RNF24: variants seen among roughly 807,000 people sequenced by gnomAD.
RNF24 encodes the protein ring finger protein 24.
RNF24 carries 14 observed loss-of-function variants against 20.0 expected under a neutral mutation model. The observed-to-expected ratio is 0.70, with a 90% CI of 0.46 to 1.10. The LOEUF (loss-of-function observed/expected upper bound fraction) is 1.10, where lower values mean the gene tolerates loss of function less well. Among genes scored for constraint, RNF24 ranks in the 50% least tolerant of loss-of-function variants. The pLI, the probability that RNF24 is intolerant of heterozygous loss-of-function variation, is 0.00. For missense variants in RNF24, 124 were observed against 177.6 expected, an observed-to-expected ratio of 0.70 and a Z score of 1.71; for synonymous variants, 45 against 61.1, an observed-to-expected ratio of 0.74 and a Z score of 1.23.
chr20:3,954,004 C>CCT (rs2091113243), intron 2 of RNF24, among the ~76,000 whole-genome samples: 1 of 152,124 alleles, frequency 6.6e-6, no homozygotes, highest in African/African-American at 2.4e-5. Flanking sequence ...TGATCCCCTG[C>CCT]CTCAGACTCC....
chr20:3,932,701 TGACGAG>T lies in RNF24; in HGVS notation c.*1356_*1361del, dbSNP rs2090839044. The T allele has an allele frequency of 2.6e-6, 1 of 388,174 alleles. No homozygotes were observed. Among genetic ancestry groups the T allele is most frequent in the South Asian group, 1.4e-4 (1 of 6,920 alleles). 24.0% of individuals were successfully genotyped at this position (388,174 alleles called of 1,614,324 possible). A position where few individuals can be genotyped will look rare whatever the true frequency, so the allele number is the denominator to read the frequency against. ...GTGGGATGGAGTGGAGCAAAGCAGT[TGACGAG>T]GAATTGAGGCAGGCGCTCCTAAGAT... On this transcript the variant is annotated 3_prime_UTR_variant, in exon 6 of 6. Coordinates refer to ENST00000358395, the MANE Select transcript of RNF24 (RefSeq NM_001134337.3).
chr20:3,996,435 C>T (rs151022021), intron 1 of RNF24, among the ~76,000 whole-genome samples: 23 of 152,208 alleles, frequency 1.5e-4, no homozygotes, highest in African/African-American at 5.1e-4. Context: ...GAATCAGTAT[C>T]GGCTACGAGA....
chr20:3,986,885 G>C (rs1295738026), intron 1 of RNF24, among the ~76,000 whole-genome samples: 1 of 151,950 alleles, frequency 6.6e-6, no homozygotes, highest in Non-Finnish European at 1.5e-5. Context: ...TCCTGATCTC[G>C]TGATCCGCCC....
rs530990793 is a variant in RNF24, at chr20:3,967,738, G to C, written c.-7-3714C>G. Among the ~76,000 whole-genome samples the C allele has an allele frequency of 2.0e-5, 3 of 152,290 alleles. No homozygotes were observed. The South Asian group carries it at 6.2e-4, about 32-fold the overall frequency. On this transcript the variant is annotated intron_variant, in intron 1 of 5. Coordinates refer to ENST00000358395, the MANE Select transcript of RNF24 (RefSeq NM_001134337.3). ...GTGCCGGGTGCAGTGGCTCATGCCT[G>C]TAATCCCAGCACTTTGGGAGGCTGA...
chr20:4,001,300 G>C (rs1014606359), intron 1 of RNF24, among the ~76,000 whole-genome samples: 2 of 152,028 alleles, frequency 1.3e-5, no homozygotes, highest in African/African-American at 4.8e-5. Context: ...ACCTCATGAA[G>C]AGCCAGTTTT....
chr20:3,936,273 G>A (rs2090889960), intron 4 of RNF24, among the ~76,000 whole-genome samples: 1 of 152,174 alleles, frequency 6.6e-6, no homozygotes, highest in Non-Finnish European at 1.5e-5. Context: ...GCAGGGAGGA[G>A]AGCAGGACAG....
intron 1 of RNF24, among the ~76,000 whole-genome samples, chr20:3,977,257 C>A (rs1371125846): frequency 6.6e-6 from 1 of 151,988 alleles, no homozygotes; most frequent in Non-Finnish European, 1.5e-5. Flanking sequence ...GAAGATGGAA[C>A]GGGGAGAAGA....
chr20:3,983,670 G>A (rs1044626332), intron 1 of RNF24, among the ~76,000 whole-genome samples: 3 of 151,966 alleles, frequency 2.0e-5, no homozygotes, highest in South Asian at 2.1e-4. Context: ...GCCAGGCGTC[G>A]TGGCTCACAC....
intron 1 of RNF24, among the ~76,000 whole-genome samples, chr20:4,011,432 G>A (rs903068040): frequency 1.3e-5 from 2 of 152,126 alleles, no homozygotes; most frequent in African/African-American, 4.8e-5. Context: ...GAAGGCAAAG[G>A]GAATTCCCAA....
chr20:4,013,381 G>T (rs531303142), intron 1 of RNF24, among the ~76,000 whole-genome samples: 1 of 152,242 alleles, frequency 6.6e-6, no homozygotes, highest in Non-Finnish European at 1.5e-5. Flanking sequence ...ATATTACAGA[G>T]AATCTTAAAG....
rs1378776731 is a variant in RNF24, at chr20:3,933,953, G to T, written c.*110C>A. The T allele has an allele frequency of 1.8e-6, 2 of 1,127,810 alleles. No individual in the cohort carries two copies. Among genetic ancestry groups the T allele is most frequent in the Non-Finnish European group, 2.3e-6 (2 of 851,868 alleles). The allele number at this position is 1,127,810 out of a possible 1,614,324, so 69.9% of individuals were successfully genotyped here. On this transcript the variant is annotated 3_prime_UTR_variant, in exon 6 of 6. Coordinates refer to ENST00000358395, the MANE Select transcript of RNF24 (RefSeq NM_001134337.3). ...CCCAAGAGTTCTTCATGAGGCAAAAGAAGTGGCAGCTGGTGTCCTAGGTAG... is the reference window on the plus strand; with the variant it reads ...CCCAAGAGTTCTTCATGAGGCAAAATAAGTGGCAGCTGGTGTCCTAGGTAG...
chr20:3,955,168 T>C (rs369403200), intron 2 of RNF24, among the ~76,000 whole-genome samples: 2 of 152,216 alleles, frequency 1.3e-5, no homozygotes, highest in East Asian at 3.8e-4. Flanking sequence ...CTTTGGAGAA[T>C]TGTTTAAGTC....
At position 3,928,104 on chromosome 20, in the gene RNF24, T is replaced by C. The variant is rs909489888; in HGVS notation, c.*5959A>G. The C allele has an allele frequency of 2.0e-5, 3 of 152,196 alleles. No individual in the cohort carries two copies. Among genetic ancestry groups the C allele is most frequent in the African/African-American group, 7.2e-5 (3 of 41,440 alleles). The allele number at this position is 152,196 out of a possible 1,614,324, so 9.4% of individuals were successfully genotyped here. The stretch of plus-strand genomic sequence containing the variant: ...ACCGTGAACCAGCATTTTCCAGTTA[T>C]CAACTGGATATTTAGGCATGAATCT... On this transcript the variant is annotated 3_prime_UTR_variant, in exon 6 of 6. Transcript: ENST00000358395.
At chr20:3,951,946 C>T (rs556946967) in intron 2 of RNF24, among the ~76,000 whole-genome samples, 6 of 152,272 alleles carry the variant, frequency 3.9e-5, no homozygotes, top group African/African-American at 1.2e-4. Flanking sequence ...GCCACTTCTT[C>T]CAAGGAACCC....
At chr20:3,971,057 A>AAAC (rs752141234) in intron 1 of RNF24, among the ~76,000 whole-genome samples, 1 of 152,202 alleles carries the variant, frequency 6.6e-6, no homozygotes. Context: ...CTGAAAACTA[A>AAAC]AACAACAACA....
At chr20:3,992,547 A>C (rs1402043271) in intron 1 of RNF24, among the ~76,000 whole-genome samples, 1 of 151,134 alleles carries the variant, frequency 6.6e-6, no homozygotes, top group Admixed American at 6.6e-5. Flanking sequence ...GCTGTTGTTC[A>C]TTTGTACACT....
rs544916932 is a variant in RNF24, at chr20:3,995,551, G to A, written c.-8+19886C>T. On this transcript the variant is annotated intron_variant, in intron 1 of 5. Transcript: ENST00000358395. ...ACAAAACAGCATCTAAGATGTTCAT[G>A]ACTAATTCAGCATTCTTCAAATGGT... Among the ~76,000 whole-genome samples the A allele has an allele frequency of 2.0e-5, 3 of 152,324 alleles. No homozygotes were observed. In the South Asian group the frequency reaches 6.2e-4, roughly 32 times the overall value.
Position 3,930,724 on chromosome 20 carries a change from C to G in RNF24, c.*3339G>C, listed in dbSNP as rs2090811139. 6.6e-6 allele frequency: 1 copy of G among 152,252 alleles called. No homozygotes were observed. The highest frequency in any genetic ancestry group is 2.4e-5 in the African/African-American group (1 of 41,406). 9.4% of individuals were successfully genotyped at this position (152,252 alleles called of 1,614,324 possible). ...AAAGTAGCTTAGAGCGGGATCAGGC[C>G]AGGGAGATGACATGATTTTGAAGTG... On this transcript the variant is annotated 3_prime_UTR_variant, in exon 6 of 6. Coordinates refer to ENST00000358395, the MANE Select transcript of RNF24 (RefSeq NM_001134337.3).
At chr20:3,954,503 C>G (rs1600650031) in intron 2 of RNF24, among the ~76,000 whole-genome samples, 1 of 152,090 alleles carries the variant, frequency 6.6e-6, no homozygotes, top group Middle Eastern at 3.4e-3. Flanking sequence ...TTGTTTATAC[C>G]TTTTGGCTAT....
Sources: allele counts gnomAD v4.1 joint callset (sites outside exome capture counted in the v4.1 genomes callset), GRCh38; gene constraint gnomAD v4.1.1; transcripts MANE v1.5; gene names NCBI Gene and HGNC (gene_info 2026-07-23, HGNC 2026-07-21).